RBM20: variants seen among roughly 807,000 people sequenced by gnomAD.
The protein encoded by RBM20 is RNA binding motif protein 20.
RBM20 carries 51 observed loss-of-function variants against 110.1 expected under a neutral mutation model. That is an observed-to-expected ratio of 0.46 (90% confidence interval 0.37 to 0.59). The LOEUF (loss-of-function observed/expected upper bound fraction) is 0.59. RBM20 is among the 20% of genes least tolerant of loss of function. The pLI, the probability that RBM20 is intolerant of heterozygous loss-of-function variation, is 0.00. For missense variants in RBM20, 1,512 were observed against 1,574.9 expected (o/e 0.96, Z 0.68); for synonymous variants, 589 against 618.2 (o/e 0.95, Z 0.70).
chr10:110,643,517 G>A (rs1177780642), upstream of RBM20, among the ~76,000 whole-genome samples: 1 of 152,252 alleles, frequency 6.6e-6, no homozygotes, highest in East Asian at 1.9e-4. Flanking sequence ...GTGACCGTAC[G>A]TTGTCGGCGA....
chr10:110,786,254 T>C (rs1844417659), intron 5 of RBM20, among the ~76,000 whole-genome samples: 1 of 152,250 alleles, frequency 6.6e-6, no homozygotes, highest in South Asian at 2.1e-4. Flanking sequence ...AGCCTGTGCC[T>C]GTGCTTTTGT....
chr10:110,663,442 GCTAT>G (rs1367466462), intron 1 of RBM20, among the ~76,000 whole-genome samples: 1 of 152,228 alleles, frequency 6.6e-6, no homozygotes, highest in Non-Finnish European at 1.5e-5. Flanking sequence ...CGGATGGCAT[GCTAT>G]CTATTATTTA....
At position 110,810,434 on chromosome 10, in the gene RBM20, G is replaced by A; in HGVS notation, c.1852G>A (p.Glu618Lys). 1 of 1,551,552 alleles carries A rather than the reference G, an allele frequency of 6.4e-7. No individual in the cohort carries two copies. Among genetic ancestry groups the A allele is most frequent in the Non-Finnish European group, 8.7e-7 (1 of 1,146,906 alleles). Residue 618 changes from glutamate (E) to lysine (K), a missense_variant, in exon 8 of 14, where the codon GAG (glutamate) becomes AAG (lysine). This residue lies in a region of RBM20 where 1,149 missense variants were observed against 1,169.4 expected (regional missense o/e 0.98). Coordinates refer to ENST00000369519, the MANE Select transcript of RBM20 (RefSeq NM_001134363.3). Reference protein sequence around the residue: ...AIIQDIHSQRERDMFREADRY... With the variant: ...AIIQDIHSQRKRDMFREADRY... The stretch of plus-strand genomic sequence containing the variant: ...CATCCAGGACATCCATTCCCAGAGG[G>A]AGAGGGACATGTTCCGGGAAGCAGA...
chr10:110,764,127 A>G (rs1329835927), intron 1 of RBM20, among the ~76,000 whole-genome samples: 1 of 152,178 alleles, frequency 6.6e-6, no homozygotes, highest in Non-Finnish European at 1.5e-5. Flanking sequence ...TTCCACAAAA[A>G]TAAAGAAGGG....
rs540751976 is a variant in RBM20 at position 110,805,115 on chromosome 10, G to A, written c.1800+5197G>A. Among the ~76,000 whole-genome samples the A allele has an allele frequency of 7.2e-5, 11 of 152,254 alleles. No homozygotes were observed. In the East Asian group the frequency reaches 2.1e-3, roughly 29 times the overall value. Reference sequence around the variant, plus strand: ...GCAATACAAGACATGGTTCTCAGTTGGGAAGAGTTCACTCTCCAACTGGGA... The same window carrying A: ...GCAATACAAGACATGGTTCTCAGTTAGGAAGAGTTCACTCTCCAACTGGGA... On this transcript the variant is annotated intron_variant, in intron 7 of 13. Coordinates refer to ENST00000369519, the MANE Select transcript of RBM20 (RefSeq NM_001134363.3).
chr10:110,786,522 C>A (rs867660535), intron 5 of RBM20, among the ~76,000 whole-genome samples: 5 of 152,154 alleles, frequency 3.3e-5, no homozygotes, highest in Non-Finnish European at 7.3e-5. Context: ...ATAGGAGAAG[C>A]GCTTCGAGAG....
rs1010607271 is a variant in RBM20, at chr10:110,837,106, G to T, written c.*1128G>T. On this transcript the variant is annotated 3_prime_UTR_variant, in exon 14 of 14. Transcript: ENST00000369519. ...GGGGGAGAAGCTAAGGAAAGAGAAGGCTGCAGATCCAAAGAGTGGCATTGA... is the reference window on the plus strand; with the variant it reads ...GGGGGAGAAGCTAAGGAAAGAGAAGTCTGCAGATCCAAAGAGTGGCATTGA... 1.3e-5 allele frequency: 2 copies of T among 152,328 alleles called. No homozygotes were observed. The highest frequency in any genetic ancestry group is 2.4e-5 in the African/African-American group (1 of 41,464). The allele number at this position is 152,328 out of a possible 1,614,324, so 9.4% of individuals were successfully genotyped here. A position where few individuals can be genotyped will look rare whatever the true frequency, so the allele number is the denominator to read the frequency against.
At chr10:110,710,997 G>A (rs1862917791) in intron 1 of RBM20, among the ~76,000 whole-genome samples, 1 of 152,054 alleles carries the variant, frequency 6.6e-6, no homozygotes, top group Non-Finnish European at 1.5e-5. Flanking sequence ...CTAGAGGAGT[G>A]GTTTGGGAGG....
At position 110,652,703 on chromosome 10, in the gene RBM20, G is replaced by A. The variant is rs148300474; in HGVS notation, c.191+8058G>A. On this transcript the variant is annotated intron_variant, in intron 1 of 13. Coordinates refer to ENST00000369519, the MANE Select transcript of RBM20 (RefSeq NM_001134363.3). ...AGTGAATTGTTGAAGGTCACACAGC[G>A]AGGGAGTCATCAGGCTGTGATGAGA... is the stretch of plus-strand genomic sequence containing the variant. Among the ~76,000 whole-genome samples, 44 of 152,324 alleles carry A rather than the reference G, an allele frequency of 2.9e-4. 1 individual carries two copies. The highest frequency in any genetic ancestry group is 3.4e-3 in the Middle Eastern group (1 of 294).
rs375825366 is a variant in RBM20 at position 110,768,521 on chromosome 10, CTG to C, written c.192-12277_192-12276del. ...ATCTAAGGAGTGTAAAGGAATTAAA[CTG>C]TGCACATTCCCAAAACACACACGGA... On this transcript the variant is annotated intron_variant, in intron 1 of 13. Transcript: ENST00000369519. Among the ~76,000 whole-genome samples the C allele has an allele frequency of 9.4e-4, 143 of 152,322 alleles. 1 individual carries two copies. The highest frequency in any genetic ancestry group is 3.3e-3 in the African/African-American group (137 of 41,572).
At chr10:110,731,948 A>G (rs545978801) in intron 1 of RBM20, among the ~76,000 whole-genome samples, 26 of 152,336 alleles carry the variant, frequency 1.7e-4, no homozygotes, top group African/African-American at 6.0e-4. Flanking sequence ...TGAATCTCAC[A>G]TTCATGGACC....
In RBM20 at chr10:110,677,004, A is replaced by C. The variant is rs200696759; in HGVS notation, c.191+32359A>C. ...TCTGTTGCTTTTAACAGAATTCCTA[A>C]AACAGGATAATTTTTAAAGAAACCA... On this transcript the variant is annotated intron_variant, in intron 1 of 13. Coordinates refer to ENST00000369519, the MANE Select transcript of RBM20 (RefSeq NM_001134363.3). Among the ~76,000 whole-genome samples the C allele has an allele frequency of 2.6e-5, 4 of 152,198 alleles. No individual in the cohort carries two copies. In the East Asian group the frequency reaches 7.7e-4, roughly 29 times the overall value.
chr10:110,790,177 T>C (rs1251533655), intron 5 of RBM20, among the ~76,000 whole-genome samples: 1 of 152,274 alleles, frequency 6.6e-6, no homozygotes, highest in African/African-American at 2.4e-5. Flanking sequence ...GCTGCAACTC[T>C]GATTACTGGC....
chr10:110,832,949 G>A (rs879545219), intron 13 of RBM20, among the ~76,000 whole-genome samples: 2 of 152,194 alleles, frequency 1.3e-5, no homozygotes, highest in Non-Finnish European at 2.9e-5. Flanking sequence ...GCCAGCTGAG[G>A]GAAGTCATCT....
At chr10:110,684,077 T>C (rs185352075) in intron 1 of RBM20, among the ~76,000 whole-genome samples, 184 of 152,324 alleles carry the variant, frequency 1.2e-3, no homozygotes, top group African/African-American at 4.4e-3. Flanking sequence ...TTCTACAGTG[T>C]CAAGGAAAAC....
intron 1 of RBM20, among the ~76,000 whole-genome samples, chr10:110,771,570 T>A (rs981791577): frequency 6.6e-6 from 1 of 152,176 alleles, no homozygotes; most frequent in Admixed American, 6.5e-5. Context: ...TAGACAATTA[T>A]GAGAGCAGGT....
intron 1 of RBM20, among the ~76,000 whole-genome samples, chr10:110,773,021 A>G (rs7475987): frequency 2.0e-5 from 3 of 152,240 alleles, no homozygotes; most frequent in Admixed American, 2.0e-4. Context: ...TAACTGACCT[A>G]GGATCCCACA....
At chr10:110,801,874 C>T (rs1387387448) in intron 7 of RBM20, among the ~76,000 whole-genome samples, 1 of 152,014 alleles carries the variant, frequency 6.6e-6, no homozygotes, top group East Asian at 1.9e-4. Context: ...TTTTATTCCC[C>T]TAATTGCGCA....
intron 1 of RBM20, among the ~76,000 whole-genome samples, chr10:110,681,086 T>A (rs1243502280): frequency 6.6e-6 from 1 of 152,194 alleles, no homozygotes; most frequent in African/African-American, 2.4e-5. Context: ...TTCTCGCACA[T>A]TCCTCACTGA....
Sources: allele counts gnomAD v4.1 joint callset (sites outside exome capture counted in the v4.1 genomes callset), GRCh38; gene constraint gnomAD v4.1.1; regional missense constraint gnomAD v4.1.1; transcripts MANE v1.5; gene names NCBI Gene and HGNC (gene_info 2026-07-23, HGNC 2026-07-21).